Variants in IGF1 observed in about 807,000 individuals in gnomAD.
IGF1 encodes insulin like growth factor 1.
Under a neutral mutation model 13.8 loss-of-function variants are expected in IGF1, and 4 were observed. That is an observed-to-expected ratio of 0.29 (90% confidence interval 0.14 to 0.66). The LOEUF is 0.66. Ranked by LOEUF, IGF1 falls within the 30% of genes least tolerant of loss-of-function variation. The pLI, the probability that IGF1 is intolerant of heterozygous loss-of-function variation, is 0.78. For missense variants in IGF1, 124 were observed against 188.5 expected, an observed-to-expected ratio of 0.66 and a Z score of 2.00; for synonymous variants, 76 against 72.6, an observed-to-expected ratio of 1.05 and a Z score of -0.23.
chr12:102,421,400 A>C (rs192250605), intron 2 of IGF1, among the ~76,000 whole-genome samples: 123 of 152,252 alleles, frequency 8.1e-4, no homozygotes, highest in African/African-American at 2.9e-3. Flanking sequence ...TATAAATTAG[A>C]GGAAAGACAC....
chr12:102,435,110 A>G (rs1233185378), intron 2 of IGF1, among the ~76,000 whole-genome samples: 1 of 152,232 alleles, frequency 6.6e-6, no homozygotes, highest in Non-Finnish European at 1.5e-5. Flanking sequence ...TGATCCAGAG[A>G]TGATTTTAAA....
At chr12:102,432,521 A>G (rs1348157508) in intron 2 of IGF1, among the ~76,000 whole-genome samples, 1 of 152,238 alleles carries the variant, frequency 6.6e-6, no homozygotes, top group African/African-American at 2.4e-5. Flanking sequence ...GCAGAGAATT[A>G]TATCCAGATT....
intron 3 of IGF1, chr12:102,417,352 G>A (rs1464759370): frequency 9.4e-6 from 2 of 213,290 alleles, no homozygotes; most frequent in Non-Finnish European, 1.6e-5. Context: ...GCGGGAAAAG[G>A]GAATCTGGGA....
At chr12:102,426,101 A>G (rs1433692552) in intron 2 of IGF1, among the ~76,000 whole-genome samples, 1 of 152,236 alleles carries the variant, frequency 6.6e-6, no homozygotes, top group East Asian at 1.9e-4. Context: ...ATATTACAGA[A>G]TTTGAGTATG....
chr12:102,472,427 ACT>A (rs1197720417), intron 2 of IGF1, among the ~76,000 whole-genome samples: 1 of 152,060 alleles, frequency 6.6e-6, no homozygotes. Context: ...TTAAAAAAAA[ACT>A]CTCCTTGTTA....
chr12:102,424,373 C>T (rs962210567), intron 2 of IGF1, among the ~76,000 whole-genome samples: 1 of 151,552 alleles, frequency 6.6e-6, no homozygotes, highest in Non-Finnish European at 1.5e-5. Context: ...TAAAAATGAA[C>T]CTGCATTTCA....
At chr12:102,469,034 T>C (rs1453530545) in intron 2 of IGF1, among the ~76,000 whole-genome samples, 1 of 152,180 alleles carries the variant, frequency 6.6e-6, no homozygotes, top group African/African-American at 2.4e-5. Context: ...GCCAAAATTC[T>C]CTCCTGGATC....
At chr12:102,449,622 C>G (rs1878734452) in intron 2 of IGF1, among the ~76,000 whole-genome samples, 1 of 148,222 alleles carries the variant, frequency 6.7e-6, no homozygotes. Context: ...TATTTGTTCC[C>G]CATCCCGCCC....
At chr12:102,405,366 G>A (rs1046514386) in intron 3 of IGF1, among the ~76,000 whole-genome samples, 3 of 152,000 alleles carry the variant, frequency 2.0e-5, no homozygotes, top group African/African-American at 7.2e-5. Context: ...GGGATTACAG[G>A]CATGAGCCAT....
chr12:102,440,903 A>G (rs1877657548), intron 2 of IGF1, among the ~76,000 whole-genome samples: 3 of 152,200 alleles, frequency 2.0e-5, no homozygotes, highest in African/African-American at 7.2e-5. Flanking sequence ...GGTCTAAAGG[A>G]ATGAGTTTTT....
At chr12:102,461,551 A>T (rs1268815619) in intron 2 of IGF1, among the ~76,000 whole-genome samples, 1 of 152,124 alleles carries the variant, frequency 6.6e-6, no homozygotes, top group African/African-American at 2.4e-5. Context: ...ACTTAATGCA[A>T]TTAGATTTTT....
At chr12:102,481,347 CTGTGTG>C (rs3033407), upstream of IGF1, among the ~76,000 whole-genome samples, 3,995 of 140,308 alleles carry the variant, frequency 0.028, 65 homozygotes, top group East Asian at 0.073. Context: ...TAACTCAAAC[CTGTGTG>C]TGTGTGTGTG....
chr12:102,429,352 T>A (rs1876529256), intron 2 of IGF1, among the ~76,000 whole-genome samples: 1 of 152,236 alleles, frequency 6.6e-6, no homozygotes, highest in Non-Finnish European at 1.5e-5. Context: ...TATTTTAGAA[T>A]GCCATATATC....
At chr12:102,416,966 G>C (rs766795623) in intron 3 of IGF1, among the ~76,000 whole-genome samples, 4 of 152,174 alleles carry the variant, frequency 2.6e-5, no homozygotes, top group African/African-American at 4.8e-5. Context: ...ACAGAGATAT[G>C]TATGGAGGGA....
chr12:102,457,374 C>T (rs1879504351), intron 2 of IGF1, among the ~76,000 whole-genome samples: 1 of 152,196 alleles, frequency 6.6e-6, no homozygotes, highest in Non-Finnish European at 1.5e-5. Context: ...GGAGGGGAAC[C>T]TCATGACTCC....
At position 102,398,531 on chromosome 12, in the gene IGF1, G is replaced by C. The variant is rs562394328; in HGVS notation, c.*3976C>G. 1 of 152,156 alleles carries C rather than the reference G, an allele frequency of 6.6e-6. No homozygotes were observed. Among genetic ancestry groups the C allele is most frequent in the East Asian group, 1.9e-4 (1 of 5,190 alleles). The allele number at this position is 152,156 out of a possible 1,614,324, so 9.4% of individuals were successfully genotyped here. ...TTCTCCATGCTCTTGATCAAGTTCA[G>C]AAGATTGGATAATATATTGCTAATT... On this transcript the variant is annotated 3_prime_UTR_variant, in exon 4 of 4. Coordinates refer to ENST00000337514, the MANE Select transcript of IGF1 (RefSeq NM_000618.5).
At chr12:102,465,263 C>A (rs1032501066) in intron 2 of IGF1, among the ~76,000 whole-genome samples, 1 of 152,182 alleles carries the variant, frequency 6.6e-6, no homozygotes, top group Non-Finnish European at 1.5e-5. Flanking sequence ...GGATACAAGG[C>A]AAAAAGCATC....
chr12:102,401,168 T>G lies in IGF1; in HGVS notation c.*1339A>C, dbSNP rs1873653540. On this transcript the variant is annotated 3_prime_UTR_variant, in exon 4 of 4. Coordinates refer to ENST00000337514, the MANE Select transcript of IGF1 (RefSeq NM_000618.5). ...AAAAAAAATCTGAATCTTTATCTTT[T>G]TAAACCTTATACCACCCCTTTGAGG... 1 of 152,306 alleles carries G rather than the reference T, an allele frequency of 6.6e-6. No individual in the cohort carries two copies. The highest frequency in any genetic ancestry group is 2.4e-5 in the African/African-American group (1 of 41,430). The allele number at this position is 152,306 out of a possible 1,614,324, so 9.4% of individuals were successfully genotyped here.
intron 3 of IGF1, among the ~76,000 whole-genome samples, chr12:102,414,020 G>A (rs1874874090): frequency 6.6e-6 from 1 of 152,154 alleles, no homozygotes; most frequent in African/African-American, 2.4e-5. Flanking sequence ...ACACAAGACT[G>A]GCTTCTACTT....
Sources: allele counts gnomAD v4.1 joint callset (sites outside exome capture counted in the v4.1 genomes callset), GRCh38; gene constraint gnomAD v4.1.1; transcripts MANE v1.5; gene names NCBI Gene and HGNC (gene_info 2026-07-23, HGNC 2026-07-21).